The following MEIS1 variants were observed in gnomAD, a reference collection of about 807,000 sequenced individuals.
MEIS1 encodes the protein Meis homeobox 1.
A neutral mutation model predicts 50.8 loss-of-function variants in MEIS1; 5 were observed. That is an observed-to-expected ratio of 0.10 (90% CI 0.05 to 0.21). The LOEUF is 0.21. Among genes scored for constraint, MEIS1 ranks in the 10% least tolerant of loss-of-function variants. MEIS1 has a pLI of 1.00. For synonymous variants in MEIS1, 176 were observed against 179.3 expected (o/e 0.98, Z 0.15); for missense variants, 318 against 517.3 (o/e 0.61, Z 3.74).
At chr2:66,492,002 G>A (rs1673285145) in intron 7 of MEIS1, among the ~76,000 whole-genome samples, 1 of 151,418 alleles carries the variant, frequency 6.6e-6, no homozygotes, top group Non-Finnish European at 1.5e-5. Flanking sequence ...ATCAATCACT[G>A]GTAGTACAGG....
rs79704583 is a variant in MEIS1 at position 66,507,055 on chromosome 2, C to T, written c.743-5094C>T. On this transcript the variant is annotated intron_variant, in intron 7 of 12. Coordinates refer to ENST00000272369, the MANE Select transcript of MEIS1 (RefSeq NM_002398.3). Reference sequence around the variant, plus strand: ...GAAACATGCAAGAGAAAAAAGAAACCTTCATGTTGGGCTTTCTTTTTGCTG... The same window carrying T: ...GAAACATGCAAGAGAAAAAAGAAACTTTCATGTTGGGCTTTCTTTTTGCTG... Among the ~76,000 whole-genome samples the T allele has an allele frequency of 9.1e-3, 1,382 of 152,244 alleles. 21 individuals carry two copies. The highest frequency in any genetic ancestry group is 0.031 in the African/African-American group (1,287 of 41,524).
At chr2:66,509,627 C>T (rs1449896569) in intron 7 of MEIS1, among the ~76,000 whole-genome samples, 1 of 152,194 alleles carries the variant, frequency 6.6e-6, no homozygotes, top group Admixed American at 6.5e-5. Flanking sequence ...TAAGTCTTCA[C>T]TTAAAAAATT....
chr2:66,455,143 C>T (rs1672359499), intron 6 of MEIS1, among the ~76,000 whole-genome samples: 1 of 152,116 alleles, frequency 6.6e-6, no homozygotes, highest in South Asian at 2.1e-4. Context: ...AGAATTTTAG[C>T]ATATTGAGGC....
chr2:66,452,379 A>G (rs1407987298), intron 6 of MEIS1, among the ~76,000 whole-genome samples: 1 of 151,990 alleles, frequency 6.6e-6, no homozygotes, highest in Admixed American at 6.6e-5. Flanking sequence ...TCTACAGAGC[A>G]TATGGAATTC....
intron 7 of MEIS1, among the ~76,000 whole-genome samples, chr2:66,475,520 A>G (rs1672873701): frequency 6.6e-6 from 1 of 152,070 alleles, no homozygotes. Flanking sequence ...ACCAAGCAAT[A>G]TAAATTATAA....
intron 8 of MEIS1, among the ~76,000 whole-genome samples, chr2:66,541,230 G>A (rs960639498): frequency 6.6e-6 from 1 of 151,804 alleles, no homozygotes; most frequent in Non-Finnish European, 1.5e-5. Flanking sequence ...GTAGAGACGA[G>A]GTTTCACCAT....
rs1675512379 is a variant in MEIS1 at position 66,572,985 on chromosome 2, T to C, written c.*1777T>C. On this transcript the variant is annotated 3_prime_UTR_variant, in exon 13 of 13. Transcript: ENST00000272369. ...TAAAGGCACTAAACTAACTCTAGAC[T>C]CAGAATTACATCCAACAGAATTACT... is the stretch of plus-strand genomic sequence containing the variant. 1 of 152,154 alleles carries C rather than the reference T, an allele frequency of 6.6e-6. No homozygotes were observed. Among genetic ancestry groups the C allele is most frequent in the Non-Finnish European group, 1.5e-5 (1 of 68,026 alleles). The allele number at this position is 152,154 out of a possible 1,614,324, so 9.4% of individuals were successfully genotyped here. A position where few individuals can be genotyped will look rare whatever the true frequency, so the allele number is the denominator to read the frequency against.
At chr2:66,491,196 A>G (rs1402370915) in intron 7 of MEIS1, among the ~76,000 whole-genome samples, 1 of 152,240 alleles carries the variant, frequency 6.6e-6, no homozygotes, top group African/African-American at 2.4e-5. Flanking sequence ...TTTTAGGTAT[A>G]AACCTATAGG....
At chr2:66,517,943 G>C (rs925884649) in intron 8 of MEIS1, among the ~76,000 whole-genome samples, 1 of 152,200 alleles carries the variant, frequency 6.6e-6, no homozygotes, top group Non-Finnish European at 1.5e-5. Flanking sequence ...AAGAATCGGA[G>C]TTAATACTAA....
rs930974085 is a variant in MEIS1 at position 66,435,522 on chromosome 2, A to C, written c.-335A>C. Reference sequence around the variant, plus strand: ...CCATGAGATTTGGTAGTTGGGTCTGAGGGGCGCTCTTTTTTTTCCTTTTCT... The same window carrying C: ...CCATGAGATTTGGTAGTTGGGTCTGCGGGGCGCTCTTTTTTTTCCTTTTCT... On this transcript the variant is annotated 5_prime_UTR_variant, in exon 1 of 13. An upstream open reading frame in the 5' UTR loses its in-frame stop. Transcript: ENST00000272369. 7.8e-6 allele frequency: 3 copies of C among 385,688 alleles called. No homozygotes were observed. The highest frequency in any genetic ancestry group is 6.3e-5 in the African/African-American group (3 of 47,912). The allele number at this position is 385,688 out of a possible 1,614,324, so 23.9% of individuals were successfully genotyped here. A position where few individuals can be genotyped will look rare whatever the true frequency, so the allele number is the denominator to read the frequency against.
intron 7 of MEIS1, among the ~76,000 whole-genome samples, chr2:66,497,904 G>A (rs1173572053): frequency 6.6e-6 from 1 of 152,120 alleles, no homozygotes; most frequent in Non-Finnish European, 1.5e-5. Context: ...AATGTGATGG[G>A]ACTATTTAGG....
At chr2:66,449,932 C>T (rs1384765308) in intron 6 of MEIS1, among the ~76,000 whole-genome samples, 1 of 152,020 alleles carries the variant, frequency 6.6e-6, no homozygotes, top group Non-Finnish European at 1.5e-5. Flanking sequence ...GGAAAAAGGG[C>T]TTATTTATAC....
intron 4 of MEIS1, chr2:66,441,061 T>C: frequency 3.0e-6 from 1 of 330,478 alleles, no homozygotes; most frequent in Non-Finnish European, 5.4e-6. Context: ...TTGAGGGCCA[T>C]TTGGAATATT....
At chr2:66,469,450 ACCGGGCGAGGGAGGTGGGGAAGGG>A (rs1283343917) in intron 7 of MEIS1, among the ~76,000 whole-genome samples, 1 of 152,096 alleles carries the variant, frequency 6.6e-6, no homozygotes, top group African/African-American at 2.4e-5. Flanking sequence ...GGTGGGGAGC[ACCGGGCGAGGGAGGTGGGGAAGGG>A]CCACATTATG....
chr2:66,507,609 T>C (rs918346407), intron 7 of MEIS1, among the ~76,000 whole-genome samples: 1 of 152,202 alleles, frequency 6.6e-6, no homozygotes, highest in African/African-American at 2.4e-5. Flanking sequence ...GGTTTTGTTG[T>C]TGCTTCACTC....
At chr2:66,466,197 G>A (rs928482244) in intron 7 of MEIS1, among the ~76,000 whole-genome samples, 4 of 152,168 alleles carry the variant, frequency 2.6e-5, no homozygotes, top group African/African-American at 7.2e-5. Context: ...CCAGTGGAGT[G>A]TCAGACCTAA....
At chr2:66,447,243 C>G (rs967847585) in intron 6 of MEIS1, among the ~76,000 whole-genome samples, 2 of 152,202 alleles carry the variant, frequency 1.3e-5, no homozygotes, top group Non-Finnish European at 2.9e-5. Context: ...AAAATGGTCC[C>G]TTTGTCAGGT....
At chr2:66,512,063 T>C (rs1673845337) in intron 7 of MEIS1, 86 bp from the exon 8 acceptor site, 7 of 1,365,514 alleles carry the variant, frequency 5.1e-6, no homozygotes, top group Non-Finnish European at 5.8e-6. Flanking sequence ...TTTGCTCTTT[T>C]GGTTTTGTTT....
chr2:66,445,841 C>CTATT (rs201617120), intron 6 of MEIS1, among the ~76,000 whole-genome samples: 11 of 152,060 alleles, frequency 7.2e-5, no homozygotes, highest in African/African-American at 1.2e-4. Context: ...TCTCTCTTTC[C>CTATT]TATTTATTTA....
Sources: gnomAD v4.1 joint callset for allele counts (sites outside exome capture counted in the v4.1 genomes callset) on GRCh38, gnomAD v4.1.1 for gene constraint, MANE v1.5 for transcripts, NCBI Gene and HGNC (gene_info 2026-07-23, HGNC 2026-07-21) for gene names.